The following ZRANB3 variants were observed in gnomAD, a reference collection of about 807,000 sequenced individuals.
ZRANB3 encodes the protein zinc finger RANBP2-type containing 3.
In ZRANB3, 125 loss-of-function variants were observed where a neutral mutation model predicts 133.8. That is an observed-to-expected ratio of 0.93 (90% CI 0.81 to 1.08). ZRANB3 has a LOEUF of 1.08. Among genes scored for constraint, ZRANB3 ranks in the 50% least tolerant of loss-of-function variants. The pLI is 0.00. For missense variants in ZRANB3, 1,229 were observed against 1,275.5 expected, an observed-to-expected ratio of 0.96 and a Z score of 0.56; for synonymous variants, 387 against 432.7, an observed-to-expected ratio of 0.89 and a Z score of 1.31.
chr2:135,207,188 AAAT>A (rs1419756895), intron 19 of ZRANB3, among the ~76,000 whole-genome samples: 5 of 150,212 alleles, frequency 3.3e-5, no homozygotes, highest in Middle Eastern at 3.2e-3. Context: ...ATAAATAAAT[AAAT>A]AATAAATAAA....
chr2:135,237,755 C>G, intron 12 of ZRANB3, among the ~76,000 whole-genome samples: 1 of 148,806 alleles, frequency 6.7e-6, no homozygotes, highest in Non-Finnish European at 1.5e-5. Context: ...AACACATGGA[C>G]ACAGGAAGGG....
At chr2:135,460,893 A>G (rs901236672) in intron 2 of ZRANB3, among the ~76,000 whole-genome samples, 4 of 152,182 alleles carry the variant, frequency 2.6e-5, no homozygotes, top group African/African-American at 9.6e-5. Context: ...GCTGTTCAAT[A>G]TGGTAGCCAC....
intron 2 of ZRANB3, among the ~76,000 whole-genome samples, chr2:135,460,299 A>T (rs976028902): frequency 6.6e-6 from 1 of 151,490 alleles, no homozygotes; most frequent in Non-Finnish European, 1.5e-5. Context: ...TCATTCTGTC[A>T]TCTAGGCTGG....
At chr2:135,276,082 G>T (rs1057390266) in intron 8 of ZRANB3, among the ~76,000 whole-genome samples, 1 of 152,012 alleles carries the variant, frequency 6.6e-6, no homozygotes, top group Non-Finnish European at 1.5e-5. Flanking sequence ...TGTTTAGAAG[G>T]TGATTTTCAA....
At chr2:135,446,399 T>C (rs1442081337) in intron 2 of ZRANB3, among the ~76,000 whole-genome samples, 1 of 152,014 alleles carries the variant, frequency 6.6e-6, no homozygotes, top group Non-Finnish European at 1.5e-5. Flanking sequence ...CAACTGGGTG[T>C]TAAGATGCAG....
At chr2:135,223,583 C>T (rs1694640089) in intron 15 of ZRANB3, among the ~76,000 whole-genome samples, 1 of 152,138 alleles carries the variant, frequency 6.6e-6, no homozygotes, top group Admixed American at 6.5e-5. Context: ...CCACCTTGGC[C>T]TCTCCAAGTG....
intron 2 of ZRANB3, among the ~76,000 whole-genome samples, chr2:135,451,837 A>T (rs1690287457): frequency 6.6e-6 from 1 of 152,226 alleles, no homozygotes; most frequent in Admixed American, 6.5e-5. Context: ...CGCACAAAAA[A>T]TCCAAACTAA....
At chr2:135,265,448 G>A in intron 12 of ZRANB3, 86 bp downstream of exon 12, 4 of 1,338,680 alleles carry the variant, frequency 3.0e-6, no homozygotes, top group South Asian at 1.9e-5. Context: ...ATAAATAATT[G>A]AGAGTTGCTA....
At chr2:135,353,650 T>A (rs756215500) in intron 3 of ZRANB3, 22 bp from the exon 4 acceptor site, 1 of 1,376,686 alleles carries the variant, frequency 7.3e-7, no homozygotes, top group South Asian at 1.7e-5. Flanking sequence ...AATAAATAAA[T>A]GTTAATAATA....
chr2:135,460,817 C>A (rs775360365), intron 2 of ZRANB3, among the ~76,000 whole-genome samples: 1 of 151,934 alleles, frequency 6.6e-6, no homozygotes, highest in Non-Finnish European at 1.5e-5. Flanking sequence ...TCTATTTTTG[C>A]CTTAAAATAA....
intron 2 of ZRANB3, among the ~76,000 whole-genome samples, chr2:135,425,388 A>G (rs143797223): frequency 2.4e-4 from 36 of 152,352 alleles, no homozygotes; most frequent in African/African-American, 7.9e-4. Context: ...TTACCCAAGT[A>G]GAAGTTAGTT....
intron 2 of ZRANB3, among the ~76,000 whole-genome samples, chr2:135,405,540 C>G (rs1229786972): frequency 6.6e-6 from 1 of 152,170 alleles, no homozygotes; most frequent in Admixed American, 6.5e-5. Flanking sequence ...CCACAGCACA[C>G]GTATTCCAAA....
intron 2 of ZRANB3, among the ~76,000 whole-genome samples, chr2:135,457,500 A>C (rs144635472): frequency 1.2e-4 from 18 of 152,248 alleles, no homozygotes; most frequent in Non-Finnish European, 2.5e-4. Flanking sequence ...AGCCATCCTC[A>C]TGGGTAAGAT....
At chr2:135,466,674 G>A (rs1179895533) in intron 2 of ZRANB3, among the ~76,000 whole-genome samples, 1 of 150,006 alleles carries the variant, frequency 6.7e-6, no homozygotes, top group Admixed American at 6.7e-5. Context: ...TCTATGATTT[G>A]TGTTGATTTT....
intron 10 of ZRANB3, chr2:135,271,518 C>A: frequency 1.9e-6 from 1 of 535,616 alleles, no homozygotes; most frequent in Admixed American, 3.1e-5. Context: ...TAACTATACT[C>A]TTCTTACTCT....
At position 135,368,239 on chromosome 2, in the gene ZRANB3, GAGA is replaced by G. The variant is rs543312298; in HGVS notation, c.181-14614_181-14612del. Among the ~76,000 whole-genome samples the G allele has an allele frequency of 2.6e-3, 399 of 152,038 alleles. 1 individual carries two copies. Among genetic ancestry groups the G allele is most frequent in the African/African-American group, 8.7e-3 (363 of 41,562 alleles). On this transcript the variant is annotated intron_variant, in intron 3 of 20. Coordinates refer to ENST00000264159, the MANE Select transcript of ZRANB3 (RefSeq NM_032143.4). ...CATAATGAACTTCAGAAAAGTTAAT[GAGA>G]AGGTTATCTAAAAATATCTTCCTAA...
At chr2:135,470,858 G>A (rs1166179162) in intron 2 of ZRANB3, among the ~76,000 whole-genome samples, 1 of 147,796 alleles carries the variant, frequency 6.8e-6, no homozygotes, top group Non-Finnish European at 1.5e-5. Context: ...CTGGAGTGCA[G>A]TGGCGCAATC....
chr2:135,526,506 G>A (rs1305289983), intron 1 of ZRANB3, among the ~76,000 whole-genome samples: 2 of 152,066 alleles, frequency 1.3e-5, no homozygotes, highest in African/African-American at 4.8e-5. Flanking sequence ...AGGGGTCTAG[G>A]GAGTCATGCC....
intron 3 of ZRANB3, among the ~76,000 whole-genome samples, chr2:135,359,941 T>C (rs779456657): frequency 4.6e-5 from 7 of 152,122 alleles, no homozygotes; most frequent in Admixed American, 1.3e-4. Context: ...GAAATAAAGT[T>C]TGATGAAACA....
Sources: allele counts gnomAD v4.1 joint callset (sites outside exome capture counted in the v4.1 genomes callset), GRCh38; gene constraint gnomAD v4.1.1; transcripts MANE v1.5; gene names NCBI Gene and HGNC (gene_info 2026-07-23, HGNC 2026-07-21).